The following STAU2 variants were observed in gnomAD, a reference collection of about 807,000 sequenced individuals.
STAU2 encodes staufen double-stranded RNA binding protein 2, also known as double-stranded RNA-binding protein Staufen homolog 2.
Under a neutral mutation model 65.9 loss-of-function variants are expected in STAU2, and 20 were observed. The observed-to-expected ratio is 0.30, with a 90% CI of 0.21 to 0.44. The LOEUF is 0.44. STAU2 is among the 20% of genes least tolerant of loss of function. The pLI is 1.00. For synonymous variants in STAU2, 232 were observed against 233.9 expected (o/e 0.99, Z 0.07); for missense variants, 558 against 683.9 (o/e 0.82, Z 2.05).
chr8:73,446,867 A>C (rs769706647), intron 13 of STAU2, among the ~76,000 whole-genome samples: 10 of 152,124 alleles, frequency 6.6e-5, no homozygotes, highest in Non-Finnish European at 1.3e-4. Flanking sequence ...CCTTCAATCA[A>C]CTCCAATCTC....
chr8:73,506,719 C>CA (rs1187652205), intron 13 of STAU2, among the ~76,000 whole-genome samples: 7 of 152,208 alleles, frequency 4.6e-5, no homozygotes, highest in African/African-American at 1.2e-4. Context: ...CTTCCTTTCA[C>CA]AAAAAATTTC....
At chr8:73,513,933 A>C (rs555419535) in intron 13 of STAU2, among the ~76,000 whole-genome samples, 1 of 152,310 alleles carries the variant, frequency 6.6e-6, no homozygotes, top group East Asian at 1.9e-4. Flanking sequence ...AACACCACAA[A>C]ATCCTAATTA....
At chr8:73,469,015 T>C (rs1221929494) in intron 13 of STAU2, among the ~76,000 whole-genome samples, 2 of 152,092 alleles carry the variant, frequency 1.3e-5, no homozygotes, top group African/African-American at 4.8e-5. Context: ...CGTATGTTTA[T>C]TGTGGCACTA....
intron 13 of STAU2, among the ~76,000 whole-genome samples, chr8:73,546,123 C>CTTTTTTTTTTTTTTTTTTT (rs71561528): frequency 2.1e-5 from 2 of 93,290 alleles, no homozygotes; most frequent in Non-Finnish European, 1.9e-5. Context: ...GTTTGGTTTT[C>CTTTTTTTTTTTTTTTTTTT]TTTTTTTTTT....
At chr8:73,476,444 T>C (rs1426956237) in intron 13 of STAU2, among the ~76,000 whole-genome samples, 1 of 152,210 alleles carries the variant, frequency 6.6e-6, no homozygotes, top group Non-Finnish European at 1.5e-5. Context: ...TCTAACTCAC[T>C]TGCTATAGAA....
In STAU2 at chr8:73,581,213, T is replaced by A. The variant is rs16938695; in HGVS notation, c.1222+1557A>T. Among the ~76,000 whole-genome samples the A allele has an allele frequency of 3.0e-3, 457 of 152,310 alleles. 17 individuals are homozygous for A. In the East Asian group the frequency reaches 0.038, roughly 13 times the overall value. On this transcript the variant is annotated intron_variant, in intron 12 of 14. Transcript: ENST00000524300. The stretch of plus-strand genomic sequence containing the variant: ...GTTTAATGATGGAGCCTGCAGGTTA[T>A]CTATAAAGTGATTTCACGTTAAAAT...
chr8:73,439,741 C>T (rs1817992852), intron 13 of STAU2: 2 of 152,436 alleles, frequency 1.3e-5, no homozygotes, highest in Admixed American at 6.5e-5. Context: ...TCCTAACTCA[C>T]TTAATCTTCA....
chr8:73,682,357 T>C (rs112555093), intron 5 of STAU2, among the ~76,000 whole-genome samples: 28,489 of 151,186 alleles, frequency 0.19, 2,818 homozygotes, highest in East Asian at 0.36. Flanking sequence ...GGAAATTAAA[T>C]AACCTGCTCC....
chr8:73,564,233 C>T (rs1466336904), intron 12 of STAU2, among the ~76,000 whole-genome samples: 1 of 152,066 alleles, frequency 6.6e-6, no homozygotes, highest in East Asian at 1.9e-4. Flanking sequence ...ATTTTGGATA[C>T]CTGGGATATT....
At chr8:73,692,197 CTTT>C (rs542649483) in intron 4 of STAU2, among the ~76,000 whole-genome samples, 26 of 144,850 alleles carry the variant, frequency 1.8e-4, no homozygotes, top group Admixed American at 1.5e-3. Flanking sequence ...CTACGTACTT[CTTT>C]TTTTTTTTTT....
intron 13 of STAU2, among the ~76,000 whole-genome samples, chr8:73,516,078 C>T (rs999990651): frequency 1.3e-5 from 2 of 151,790 alleles, no homozygotes; most frequent in African/African-American, 4.8e-5. Context: ...GGACTATAGG[C>T]ACACACCACC....
chr8:73,741,809 G>T (rs1002101397), intron 1 of STAU2, among the ~76,000 whole-genome samples: 2 of 152,024 alleles, frequency 1.3e-5, no homozygotes, highest in African/African-American at 4.8e-5. Flanking sequence ...CACCACGCCC[G>T]GCCCGAAACT....
At chr8:73,673,598 A>G (rs1055458534) in intron 5 of STAU2, among the ~76,000 whole-genome samples, 3 of 152,188 alleles carry the variant, frequency 2.0e-5, no homozygotes, top group Non-Finnish European at 4.4e-5. Flanking sequence ...GTATTTAATC[A>G]TTAAAAACAT....
At chr8:73,689,817 A>T (rs898887310) in intron 4 of STAU2, among the ~76,000 whole-genome samples, 1 of 152,156 alleles carries the variant, frequency 6.6e-6, no homozygotes, top group African/African-American at 2.4e-5. Flanking sequence ...ATAATCATAC[A>T]AATTGACGTC....
chr8:73,545,295 TC>T (rs1806823714), intron 13 of STAU2, among the ~76,000 whole-genome samples: 1 of 152,180 alleles, frequency 6.6e-6, no homozygotes, highest in African/African-American at 2.4e-5. Context: ...TCTTGCTCTG[TC>T]TGTTGTCCAG....
chr8:73,617,782 A>G (rs376801363), intron 6 of STAU2, among the ~76,000 whole-genome samples: 2 of 152,234 alleles, frequency 1.3e-5, no homozygotes, highest in Non-Finnish European at 2.9e-5. Context: ...TGAAGCTACA[A>G]CAGAGGCTGG....
chr8:73,614,053 T>C, intron 8 of STAU2, 97 bp from the exon 9 acceptor site: 1 of 848,178 alleles, frequency 1.2e-6, no homozygotes, highest in East Asian at 2.8e-5. Context: ...AAATTAGTAT[T>C]ATGCCAAAAT....
intron 6 of STAU2, among the ~76,000 whole-genome samples, chr8:73,640,780 G>GA (rs1266803534): frequency 6.6e-6 from 1 of 152,098 alleles, no homozygotes; most frequent in African/African-American, 2.4e-5. Context: ...GTAGTTACTA[G>GA]AAATACTTTC....
intron 3 of STAU2, among the ~76,000 whole-genome samples, chr8:73,719,160 T>G (rs1418744427): frequency 6.6e-6 from 1 of 152,110 alleles, no homozygotes; most frequent in East Asian, 1.9e-4. Context: ...TCCCAGCACT[T>G]TGGGAGGCCG....
Sources: allele counts gnomAD v4.1 joint callset (sites outside exome capture counted in the v4.1 genomes callset), GRCh38; gene constraint gnomAD v4.1.1; transcripts MANE v1.5; gene names NCBI Gene and HGNC (gene_info 2026-07-23, HGNC 2026-07-21).